TANGO6: variants seen among roughly 807,000 people sequenced by gnomAD.
TANGO6 encodes the protein transport and golgi organization 6 homolog.
In TANGO6, 90 loss-of-function variants were observed where a neutral mutation model predicts 114.2. That is an observed-to-expected ratio of 0.79 (90% confidence interval 0.66 to 0.94). TANGO6 has a LOEUF of 0.94. TANGO6 is among the 40% of genes least tolerant of loss of function. TANGO6 has a pLI of 0.00. For synonymous variants in TANGO6, 477 were observed against 509.8 expected (o/e 0.94, Z 0.87); for missense variants, 1,274 against 1,315.3 (o/e 0.97, Z 0.49).
At chr16:68,851,484 C>G (rs1226074342) in intron 1 of TANGO6, among the ~76,000 whole-genome samples, 1 of 152,164 alleles carries the variant, frequency 6.6e-6, no homozygotes, top group Non-Finnish European at 1.5e-5. Flanking sequence ...AATTTAGTGT[C>G]TTAGCAATCG....
intron 15 of TANGO6, among the ~76,000 whole-genome samples, chr16:68,993,888 T>G (rs1004486900): frequency 1.3e-5 from 2 of 152,238 alleles, no homozygotes; most frequent in Non-Finnish European, 2.9e-5. Context: ...TTCTGGACTT[T>G]GTTTTAATTT....
At chr16:69,037,547 C>T (rs1959708886) in intron 16 of TANGO6, among the ~76,000 whole-genome samples, 1 of 152,220 alleles carries the variant, frequency 6.6e-6, no homozygotes, top group Non-Finnish European at 1.5e-5. Flanking sequence ...TCTCTGGTTT[C>T]AGCTCTTACC....
intron 15 of TANGO6, among the ~76,000 whole-genome samples, chr16:68,995,326 G>A (rs1057490484): frequency 1.3e-5 from 2 of 152,148 alleles, no homozygotes; most frequent in Non-Finnish European, 2.9e-5. Flanking sequence ...GGAGAAAAAT[G>A]GGTCCTGACA....
At chr16:68,922,097 A>G (rs1033462189) in intron 12 of TANGO6, among the ~76,000 whole-genome samples, 47 of 152,124 alleles carry the variant, frequency 3.1e-4, no homozygotes, top group African/African-American at 1.1e-3. Flanking sequence ...TTGGCTTATT[A>G]AAAAAGAATC....
At chr16:69,026,533 C>T (rs1271373922) in intron 16 of TANGO6, 2 of 165,550 alleles carry the variant, frequency 1.2e-5, no homozygotes, top group Middle Eastern at 1.0e-3. Flanking sequence ...GGTCATAGCT[C>T]GCAGCCTGCA....
intron 17 of TANGO6, among the ~76,000 whole-genome samples, chr16:69,070,838 G>A (rs1960289405): frequency 6.6e-6 from 1 of 150,858 alleles, no homozygotes; most frequent in Non-Finnish European, 1.5e-5. Context: ...TAATGGGGTG[G>A]TCTTGGCTCA....
chr16:68,965,682 T>A (rs1360012707), intron 14 of TANGO6, among the ~76,000 whole-genome samples: 1 of 151,688 alleles, frequency 6.6e-6, no homozygotes, highest in African/African-American at 2.4e-5. Context: ...GCACCTGTAA[T>A]CCCAGCTACT....
chr16:68,919,846 AG>A (rs1237676393), intron 12 of TANGO6, among the ~76,000 whole-genome samples: 1 of 152,116 alleles, frequency 6.6e-6, no homozygotes, highest in Non-Finnish European at 1.5e-5. Context: ...GTTTGAGACC[AG>A]CCTGGTCAAC....
chr16:69,059,267 T>A (rs1286078052), intron 17 of TANGO6, among the ~76,000 whole-genome samples: 2 of 151,962 alleles, frequency 1.3e-5, no homozygotes, highest in African/African-American at 4.8e-5. Context: ...GATGGGGGTC[T>A]CACCATATTG....
In TANGO6 at chr16:68,973,985, T is replaced by C. The variant is rs562110889; in HGVS notation, c.2702-43T>C. On this transcript the variant is annotated intron_variant, in intron 14 of 17. Coordinates refer to ENST00000261778, the MANE Select transcript of TANGO6 (RefSeq NM_024562.2). The stretch of plus-strand genomic sequence containing the variant: ...GGTGACTGGTTTATTTGCCTTTTGA[T>C]CGTAAACAGTAATGAATCCTTTCTT... 8 of 1,562,150 alleles carry C rather than the reference T, an allele frequency of 5.1e-6. No homozygotes were observed. The South Asian group carries it at 8.2e-5, about 16-fold the overall frequency.
At chr16:69,054,659 C>T (rs1317049759) in intron 17 of TANGO6, among the ~76,000 whole-genome samples, 8 of 151,928 alleles carry the variant, frequency 5.3e-5, no homozygotes, top group African/African-American at 7.3e-5. Context: ...GCTGGCCGGG[C>T]GTGGTGGCTC....
Position 68,860,032 on chromosome 16 carries a change from A to G in TANGO6, c.243A>G (p.Ala81=), listed in dbSNP as rs760545410. 39 of 1,613,918 alleles carry G rather than the reference A, an allele frequency of 2.4e-5. No individual in the cohort carries two copies. Among genetic ancestry groups the G allele is most frequent in the Non-Finnish European group, 2.9e-5 (34 of 1,179,904 alleles). Residue 81 remains alanine (A), a synonymous_variant, in exon 2 of 18, where the codon GCA becomes GCG. Coordinates refer to ENST00000261778, the MANE Select transcript of TANGO6 (RefSeq NM_024562.2). ...KLLRDEIADK[A]EWPQNSVDVT... is the part of the protein sequence containing the mutation. ...TAAGAGATGAAATTGCTGATAAGGCAGAATGGCCACAAAACTCTGTGGATG... is the reference window on the plus strand; with the variant it reads ...TAAGAGATGAAATTGCTGATAAGGCGGAATGGCCACAAAACTCTGTGGATG...
Position 68,867,283 on chromosome 16 carries a change from G to A in TANGO6, c.994+63G>A, listed in dbSNP as rs1257246674. ...TTTCCTTTGAGTCAGAGTCTGAGGTGAATTATTGGTCTTTAGTATTTACCT... is the reference window on the plus strand; with the variant it reads ...TTTCCTTTGAGTCAGAGTCTGAGGTAAATTATTGGTCTTTAGTATTTACCT... On this transcript the variant is annotated intron_variant, in intron 4 of 17. Transcript: ENST00000261778. 4.4e-6 allele frequency: 7 copies of A among 1,597,550 alleles called. 1 individual carries two copies. In the South Asian group the frequency reaches 7.8e-5, roughly 18 times the overall value.
At chr16:69,011,176 T>C (rs1964139660) in intron 15 of TANGO6, among the ~76,000 whole-genome samples, 1 of 152,198 alleles carries the variant, frequency 6.6e-6, no homozygotes, top group African/African-American at 2.4e-5. Context: ...CTTTAGTTAC[T>C]TCTTCTTGGT....
intron 14 of TANGO6, among the ~76,000 whole-genome samples, chr16:68,955,492 G>T (rs771630645): frequency 2.6e-5 from 4 of 152,164 alleles, no homozygotes; most frequent in Non-Finnish European, 5.9e-5. Flanking sequence ...AGTGGTGTTT[G>T]ATCTTTCACT....
chr16:68,883,611 A>G (rs1236758118), intron 7 of TANGO6, among the ~76,000 whole-genome samples: 2 of 152,184 alleles, frequency 1.3e-5, no homozygotes, highest in Non-Finnish European at 2.9e-5. Flanking sequence ...TAATGCTGCT[A>G]TGGACATTCA....
At chr16:69,082,788 C>T (rs967445279) in intron 17 of TANGO6, among the ~76,000 whole-genome samples, 3 of 151,542 alleles carry the variant, frequency 2.0e-5, no homozygotes, top group Non-Finnish European at 4.4e-5. Context: ...ATTGCCCGTA[C>T]TGTGGGTGCC....
intron 12 of TANGO6, among the ~76,000 whole-genome samples, chr16:68,922,893 G>C (rs1429538154): frequency 6.6e-6 from 1 of 151,426 alleles, no homozygotes; most frequent in Non-Finnish European, 1.5e-5. Context: ...TTCTCTAAAG[G>C]GGAAGGGGGC....
Position 68,939,130 on chromosome 16 carries a change from TTATAA to T in TANGO6, c.2701+8841_2701+8845del, listed in dbSNP as rs745902526. Among the ~76,000 whole-genome samples, 4 of 142,396 alleles carry T rather than the reference TTATAA, an allele frequency of 2.8e-5. No homozygotes were observed. The East Asian group carries it at 8.3e-4, about 29-fold the overall frequency. The allele number at this position is 142,396 out of a possible 152,430, so 93.4% of individuals were successfully genotyped here. On this transcript the variant is annotated intron_variant, in intron 14 of 17. Coordinates refer to ENST00000261778, the MANE Select transcript of TANGO6 (RefSeq NM_024562.2). ...ACAACAACAAAAAAAACCTTAAAAG[TTATAA>T]TATAAAAAATAACAACAATATAATA...
Sources: gnomAD v4.1 joint callset for allele counts (sites outside exome capture counted in the v4.1 genomes callset) on GRCh38, gnomAD v4.1.1 for gene constraint, MANE v1.5 for transcripts, NCBI Gene and HGNC (gene_info 2026-07-23, HGNC 2026-07-21) for gene names.